Variants in ANO10 observed in about 807,000 individuals in gnomAD.
ANO10 encodes the protein anoctamin-10.
Under a neutral mutation model 74.7 loss-of-function variants are expected in ANO10, and 77 were observed. The observed-to-expected ratio is 1.03, with a 90% CI of 0.86 to 1.25. ANO10 has a LOEUF of 1.25. ANO10 is among the 50% of genes most tolerant of loss of function. The pLI is 0.00. For missense variants in ANO10, 721 were observed against 778.1 expected, an observed-to-expected ratio of 0.93 and a Z score of 0.87; for synonymous variants, 279 against 284.9, an observed-to-expected ratio of 0.98 and a Z score of 0.21.
chr3:43,383,421 T>G (rs1575617165), intron 12 of ANO10, among the ~76,000 whole-genome samples: 1 of 131,000 alleles, frequency 7.6e-6, no homozygotes, highest in Non-Finnish European at 1.5e-5. Flanking sequence ...GCCACTGCAC[T>G]CCAGCCTGGG....
chr3:43,594,523 A>G (rs2081977099), intron 4 of ANO10, among the ~76,000 whole-genome samples: 1 of 152,250 alleles, frequency 6.6e-6, no homozygotes, highest in African/African-American at 2.4e-5. Context: ...TGGGTACAAA[A>G]TGAAATGAAG....
intron 11 of ANO10, among the ~76,000 whole-genome samples, chr3:43,475,894 AC>A (rs1251960200): frequency 6.6e-6 from 1 of 152,088 alleles, no homozygotes; most frequent in African/African-American, 2.4e-5. Context: ...GAACCACCAC[AC>A]CTGGCCTACA....
intron 11 of ANO10, among the ~76,000 whole-genome samples, chr3:43,537,728 A>G (rs2078778407): frequency 6.6e-6 from 1 of 151,974 alleles, no homozygotes; most frequent in Non-Finnish European, 1.5e-5. Flanking sequence ...TTTTCTGTTC[A>G]TTGTTCTTAA....
intron 11 of ANO10, among the ~76,000 whole-genome samples, chr3:43,523,472 T>C (rs2078049030): frequency 6.6e-6 from 1 of 152,164 alleles, no homozygotes. Context: ...CTGGGGAGCC[T>C]GGATGCCAGT....
Position 43,499,608 on chromosome 3 carries a change from T to C in ANO10, c.1797+50112A>G, listed in dbSNP as rs548738889. ...CTATTATTCTTTCAACAATCTAGGA[T>C]ACCAAAAACTGTAAGACACCGTAAG... On this transcript the variant is annotated intron_variant, in intron 11 of 12. Transcript: ENST00000292246. 5.9e-4 allele frequency among the ~76,000 whole-genome samples: 90 copies of C among 151,818 alleles called. No homozygotes were observed. The East Asian group carries it at 6.4e-3, about 11-fold the overall frequency.
At chr3:43,655,396 A>G (rs1218994002) in intron 1 of ANO10, among the ~76,000 whole-genome samples, 3 of 152,182 alleles carry the variant, frequency 2.0e-5, no homozygotes, top group Non-Finnish European at 4.4e-5. Context: ...TGAGTGTTAC[A>G]GCTCATAAAA....
intron 11 of ANO10, among the ~76,000 whole-genome samples, chr3:43,489,226 G>A (rs956661894): frequency 2.3e-4 from 35 of 150,448 alleles, no homozygotes; most frequent in African/African-American, 8.3e-4. Context: ...TGCTAGATGA[G>A]GAGTTAGTGG....
intron 1 of ANO10, among the ~76,000 whole-genome samples, chr3:43,613,313 AT>A (rs1457891942): frequency 6.6e-6 from 1 of 152,224 alleles, no homozygotes; most frequent in African/African-American, 2.4e-5. Flanking sequence ...CAAATAGCTA[AT>A]AATGCAGTCA....
intron 11 of ANO10, among the ~76,000 whole-genome samples, chr3:43,497,600 G>C (rs1227422587): frequency 6.6e-6 from 1 of 152,066 alleles, no homozygotes; most frequent in African/African-American, 2.4e-5. Context: ...TGAATCTTTG[G>C]GAAGCTGTTC....
intron 11 of ANO10, among the ~76,000 whole-genome samples, chr3:43,519,218 A>G (rs1392501919): frequency 6.6e-6 from 1 of 152,190 alleles, no homozygotes; most frequent in African/African-American, 2.4e-5. Context: ...GACATTGCAG[A>G]AAGCAGTTTC....
chr3:43,456,662 A>G lies in ANO10; in HGVS notation c.1798-23935T>C, dbSNP rs903937530. On this transcript the variant is annotated intron_variant, in intron 11 of 12. Coordinates refer to ENST00000292246, the MANE Select transcript of ANO10 (RefSeq NM_018075.5). ...ATTAATTACAACACACACAAACACC[A>G]TAATTTAAATAAGTGAAAGGTGGAA... Among the ~76,000 whole-genome samples, 5 of 152,192 alleles carry G rather than the reference A, an allele frequency of 3.3e-5. No individual in the cohort carries two copies. The East Asian group carries it at 7.7e-4, about 23-fold the overall frequency.
chr3:43,463,726 C>G (rs1381763312), intron 11 of ANO10, among the ~76,000 whole-genome samples: 1 of 152,164 alleles, frequency 6.6e-6, no homozygotes, highest in Non-Finnish European at 1.5e-5. Flanking sequence ...GATGAGTGGA[C>G]TGTGGACTTC....
At position 43,669,546 on chromosome 3, in the gene ANO10, G is replaced by T. The variant is rs575589630; in HGVS notation, c.-12+21971C>A. Among the ~76,000 whole-genome samples, 3 of 152,198 alleles carry T rather than the reference G, an allele frequency of 2.0e-5. No individual in the cohort carries two copies. In the South Asian group the frequency reaches 6.2e-4, roughly 32 times the overall value. ...TAAGTTGTGATTTTCTGTATTTGCTGCCTATTTTTTCAATTATGGGGGCAG... is the reference window on the plus strand; with the variant it reads ...TAAGTTGTGATTTTCTGTATTTGCTTCCTATTTTTTCAATTATGGGGGCAG... On this transcript the variant is annotated intron_variant, in intron 1 of 3. Coordinates refer to the ANO10 transcript ENST00000413397.
chr3:43,604,393 T>A (rs1320588918), intron 2 of ANO10, among the ~76,000 whole-genome samples: 1 of 152,114 alleles, frequency 6.6e-6, no homozygotes, highest in East Asian at 1.9e-4. Flanking sequence ...CCAAATTGCA[T>A]CTCAACTTCC....
At chr3:43,553,537 C>CTTTTTTTTTTTT (rs1259828062) in intron 10 of ANO10, among the ~76,000 whole-genome samples, 1 of 102,590 alleles carries the variant, frequency 9.7e-6, no homozygotes, top group Admixed American at 1.2e-4. Context: ...GATAATTTCT[C>CTTTTTTTTTTTT]TCTTTTTTTT....
At chr3:43,467,859 CA>C (rs1415458580) in intron 11 of ANO10, among the ~76,000 whole-genome samples, 23 of 152,178 alleles carry the variant, frequency 1.5e-4, no homozygotes, top group African/African-American at 5.6e-4. Context: ...GAGAGATTCA[CA>C]AACCAAATTG....
At chr3:43,415,134 A>G (rs971901159) in intron 12 of ANO10, among the ~76,000 whole-genome samples, 5 of 150,648 alleles carry the variant, frequency 3.3e-5, no homozygotes, top group African/African-American at 1.2e-4. Context: ...ACCACCACAC[A>G]CGGCTCATTA....
rs145709932 is a variant in ANO10 at position 43,366,319 on chromosome 3, A to T, written c.*587T>A. 8 of 162,390 alleles carry T rather than the reference A, an allele frequency of 4.9e-5. No homozygotes were observed. Among genetic ancestry groups the T allele is most frequent in the Non-Finnish European group, 1.1e-4 (8 of 73,258 alleles). The allele number at this position is 162,390 out of a possible 1,614,324, so 10.1% of individuals were successfully genotyped here. Reference sequence around the variant, plus strand: ...TCAGAAAAGGGAAGCCCATTGCGGTACCTATGTAGGCAGAAGGAGTCAGAG... The same window carrying T: ...TCAGAAAAGGGAAGCCCATTGCGGTTCCTATGTAGGCAGAAGGAGTCAGAG... On this transcript the variant is annotated 3_prime_UTR_variant, in exon 13 of 13. Coordinates refer to ENST00000292246, the MANE Select transcript of ANO10 (RefSeq NM_018075.5).
In ANO10 at chr3:43,636,022, C is replaced by CAAAA. The variant is rs201394976; in HGVS notation, c.-11-30163_-11-30160dup. Among the ~76,000 whole-genome samples, 8 of 147,510 alleles carry CAAAA rather than the reference C, an allele frequency of 5.4e-5. No individual in the cohort carries two copies. In the East Asian group the frequency reaches 7.9e-4, roughly 14 times the overall value. ...ATCCTTAACAAACAAGTAAAAAAAACAAAAAAAAACAAAAAAAACCCAAAA... is the reference window on the plus strand; with the variant it reads ...ATCCTTAACAAACAAGTAAAAAAAACAAAAAAAAAAAAACAAAAAAAACCCAAAA... On this transcript the variant is annotated intron_variant, in intron 1 of 3. Coordinates refer to the ANO10 transcript ENST00000413397.
Sources: allele counts gnomAD v4.1 joint callset (sites outside exome capture counted in the v4.1 genomes callset), GRCh38; gene constraint gnomAD v4.1.1; transcripts MANE v1.5; gene names NCBI Gene and HGNC (gene_info 2026-07-23, HGNC 2026-07-21).